ANKS1B: variants seen among roughly 807,000 people sequenced by gnomAD.
ANKS1B encodes the protein ankyrin repeat and sterile alpha motif domain containing 1B.
Under a neutral mutation model 148.3 loss-of-function variants are expected in ANKS1B, and 36 were observed. The observed-to-expected ratio is 0.24, with a 90% CI of 0.19 to 0.32. ANKS1B has a LOEUF of 0.32. ANKS1B is among the 10% of genes least tolerant of loss of function. The pLI, the probability that ANKS1B is intolerant of heterozygous loss-of-function variation, is 1.00. For synonymous variants in ANKS1B, 542 were observed against 560.8 expected, an observed-to-expected ratio of 0.97 and a Z score of 0.47; for missense variants, 1,157 against 1,542.6, an observed-to-expected ratio of 0.75 and a Z score of 4.19.
At chr12:99,340,382 G>A (rs939169630) in intron 12 of ANKS1B, among the ~76,000 whole-genome samples, 4 of 152,076 alleles carry the variant, frequency 2.6e-5, no homozygotes, top group African/African-American at 9.7e-5. Flanking sequence ...CTTGGCCTCA[G>A]TTTGCAATAT....
At chr12:99,143,371 C>T (rs529526836) in intron 15 of ANKS1B, among the ~76,000 whole-genome samples, 85 of 152,178 alleles carry the variant, frequency 5.6e-4, no homozygotes, top group African/African-American at 1.9e-3. Context: ...TTAGATCATA[C>T]ACTCTCAAAT....
At chr12:98,846,005 C>CATAT (rs1262664878) in intron 17 of ANKS1B, among the ~76,000 whole-genome samples, 6 of 149,638 alleles carry the variant, frequency 4.0e-5, no homozygotes, top group African/African-American at 1.2e-4. Context: ...CACACACACA[C>CATAT]ATATATGTAC....
At chr12:99,071,923 G>A (rs543900981) in intron 16 of ANKS1B, among the ~76,000 whole-genome samples, 78 of 152,252 alleles carry the variant, frequency 5.1e-4, no homozygotes, top group Non-Finnish European at 9.1e-4. Context: ...GGGATTACAG[G>A]TATGAGCCAC....
chr12:99,266,612 T>C (rs2076470876), intron 12 of ANKS1B, among the ~76,000 whole-genome samples: 1 of 152,166 alleles, frequency 6.6e-6, no homozygotes, highest in South Asian at 2.1e-4. Context: ...GTAAAGAGTA[T>C]AACATTTCGG....
At chr12:99,691,853 G>C (rs1234831537) in intron 8 of ANKS1B, among the ~76,000 whole-genome samples, 1 of 152,148 alleles carries the variant, frequency 6.6e-6, no homozygotes, top group African/African-American at 2.4e-5. Flanking sequence ...CTGACACACA[G>C]AAACTGAGAT....
intron 26 of ANKS1B, among the ~76,000 whole-genome samples, chr12:98,748,398 C>T (rs1387800294): frequency 2.6e-5 from 4 of 152,076 alleles, no homozygotes; most frequent in South Asian, 2.1e-4. Context: ...GGGGCGGGGC[C>T]GGGCTGTCCG....
chr12:99,137,210 G>C (rs950629085), intron 15 of ANKS1B, among the ~76,000 whole-genome samples: 2 of 152,196 alleles, frequency 1.3e-5, no homozygotes, highest in African/African-American at 2.4e-5. Flanking sequence ...CTGTGCTACA[G>C]AACTGTCTTC....
chr12:99,836,317 C>A (rs2084851928), intron 1 of ANKS1B, among the ~76,000 whole-genome samples: 1 of 151,926 alleles, frequency 6.6e-6, no homozygotes, highest in South Asian at 2.1e-4. Flanking sequence ...TTAAAGATAT[C>A]TTGCCTTTGG....
chr12:99,163,000 G>T (rs2076827547), intron 14 of ANKS1B, among the ~76,000 whole-genome samples: 1 of 151,904 alleles, frequency 6.6e-6, no homozygotes, highest in Non-Finnish European at 1.5e-5. Context: ...GGAGGTTGCA[G>T]TGAGCCAAGA....
At chr12:98,800,363 T>C (rs963698737) in intron 21 of ANKS1B, among the ~76,000 whole-genome samples, 4 of 152,274 alleles carry the variant, frequency 2.6e-5, no homozygotes, top group Middle Eastern at 3.4e-3. Context: ...TGTTTCTTTT[T>C]AAGAGAGGCA....
At chr12:99,371,711 G>A (rs2093144998) in intron 12 of ANKS1B, among the ~76,000 whole-genome samples, 1 of 151,946 alleles carries the variant, frequency 6.6e-6, no homozygotes. Context: ...TAAAGAACAG[G>A]TCTTTGTTGC....
At chr12:99,692,834 G>C (rs555936395) in intron 8 of ANKS1B, among the ~76,000 whole-genome samples, 1 of 152,096 alleles carries the variant, frequency 6.6e-6, no homozygotes, top group African/African-American at 2.4e-5. Context: ...GTTCTACTTC[G>C]GATAAGTTGT....
intron 3 of ANKS1B, among the ~76,000 whole-genome samples, chr12:99,808,052 C>T (rs1405120146): frequency 6.6e-6 from 1 of 152,056 alleles, no homozygotes; most frequent in Non-Finnish European, 1.5e-5. Flanking sequence ...AAAACCCATG[C>T]TCTTTCCACT....
rs567979342 is a variant in ANKS1B, at chr12:99,839,585, A to T, written c.135-14196T>A. The stretch of plus-strand genomic sequence containing the variant: ...TTTATAGAACTCTTAAAAATATTTT[A>T]AAATTATTTTCTTTAACATACTTAC... On this transcript the variant is annotated intron_variant, in intron 1 of 26. Transcript: ENST00000683438. 1.3e-3 allele frequency among the ~76,000 whole-genome samples: 196 copies of T among 152,282 alleles called. 1 individual carries two copies. The highest frequency in any genetic ancestry group is 2.2e-3 in the Non-Finnish European group (152 of 68,016).
chr12:98,963,096 G>T (rs116410873), intron 17 of ANKS1B, among the ~76,000 whole-genome samples: 2,588 of 151,510 alleles, frequency 0.017, 76 homozygotes, highest in African/African-American at 0.06. Flanking sequence ...AAAGATCAGA[G>T]AAGAAATAAA....
chr12:99,635,273 T>A (rs2098221676), intron 9 of ANKS1B, among the ~76,000 whole-genome samples: 1 of 152,056 alleles, frequency 6.6e-6, no homozygotes, highest in Non-Finnish European at 1.5e-5. Flanking sequence ...CCAAAAGAAT[T>A]AAAAACAGAA....
intron 14 of ANKS1B, among the ~76,000 whole-genome samples, chr12:99,161,806 T>G (rs1566521573): frequency 6.6e-6 from 1 of 152,112 alleles, no homozygotes; most frequent in Non-Finnish European, 1.5e-5. Context: ...CAGCAGGCAA[T>G]TACTGGAGTC....
chr12:99,442,190 TG>T (rs1439565795), intron 11 of ANKS1B, among the ~76,000 whole-genome samples: 1 of 151,776 alleles, frequency 6.6e-6, no homozygotes, highest in Non-Finnish European at 1.5e-5. Flanking sequence ...CAAATTTCCT[TG>T]AAAAAGAGGA....
intron 9 of ANKS1B, among the ~76,000 whole-genome samples, chr12:99,611,038 A>G (rs564611374): frequency 1.3e-5 from 2 of 152,208 alleles, no homozygotes; most frequent in African/African-American, 4.8e-5. Flanking sequence ...TTCTCTTCCC[A>G]CTTTGGAGAC....
Sources: gnomAD v4.1 joint callset for allele counts (sites outside exome capture counted in the v4.1 genomes callset) on GRCh38, gnomAD v4.1.1 for gene constraint, MANE v1.5 for transcripts, NCBI Gene and HGNC (gene_info 2026-07-23, HGNC 2026-07-21) for gene names.